IL1RAPL1: variants seen among roughly 807,000 people sequenced by gnomAD.
IL1RAPL1 encodes interleukin 1 receptor accessory protein like 1.
Under a neutral mutation model 48.4 loss-of-function variants are expected in IL1RAPL1, and 3 were observed. That is an observed-to-expected ratio of 0.06 (90% CI 0.03 to 0.16). The LOEUF is 0.16. IL1RAPL1 is among the 10% of genes least tolerant of loss of function. The probability of loss-of-function intolerance (pLI) is 1.00; values close to 1 mark genes in which losing one functional copy is unlikely to be tolerated. For missense variants in IL1RAPL1, 349 were observed against 530.6 expected (o/e 0.66, Z 3.36); for synonymous variants, 185 against 187.7 (o/e 0.99, Z 0.12).
At chrX:29,482,870 CTG>C (rs1352874648) in intron 5 of IL1RAPL1, among the ~76,000 whole-genome samples, 4 of 111,865 alleles carry the variant, frequency 3.6e-5, no homozygotes, top group Non-Finnish European at 5.6e-5. Flanking sequence ...TCCATCGATT[CTG>C]ATAAGACTAA....
chrX:29,565,180 G>T (rs1476522028), intron 5 of IL1RAPL1, among the ~76,000 whole-genome samples: 1 of 111,343 alleles, frequency 9.0e-6, no homozygotes, highest in Non-Finnish European at 1.9e-5. Flanking sequence ...TTATCAAAAT[G>T]ACAGCAAATT....
At chrX:28,718,242 G>C (rs181105703) in intron 1 of IL1RAPL1, among the ~76,000 whole-genome samples, 14 of 111,128 alleles carry the variant, frequency 1.3e-4, no homozygotes, top group Admixed American at 9.6e-5. Flanking sequence ...GCAGCATTTA[G>C]AAAAAAACTC....
chrX:28,657,668 A>G (rs1934764464), intron 1 of IL1RAPL1, among the ~76,000 whole-genome samples: 1 of 112,637 alleles, frequency 8.9e-6, no homozygotes, highest in South Asian at 3.6e-4. Context: ...AAAAAGGCTA[A>G]GAATTCTGGC....
chrX:29,937,171 C>T (rs1236998698), intron 8 of IL1RAPL1, among the ~76,000 whole-genome samples: 1 of 112,076 alleles, frequency 8.9e-6, no homozygotes, highest in Non-Finnish European at 1.9e-5. Context: ...TTAAAGGGGG[C>T]AGAGTCTATC....
chrX:29,515,789 C>A (rs1020845478), intron 5 of IL1RAPL1, among the ~76,000 whole-genome samples: 2 of 111,176 alleles, frequency 1.8e-5, no homozygotes, highest in Admixed American at 1.9e-4. Context: ...TGGATTCAAG[C>A]GATCCTCCTA....
At chrX:29,683,048 T>G (rs1926505486) in intron 6 of IL1RAPL1, among the ~76,000 whole-genome samples, 1 of 112,302 alleles carries the variant, frequency 8.9e-6, no homozygotes, top group Admixed American at 9.5e-5. Flanking sequence ...GCTAGAAGAC[T>G]GGTCAAGGGT....
chrX:29,014,298 C>CAAAATTGTTTACAA (rs1926192253), intron 2 of IL1RAPL1, among the ~76,000 whole-genome samples: 1 of 111,646 alleles, frequency 9.0e-6, no homozygotes, highest in African/African-American at 3.3e-5. Context: ...TAAATGGTAT[C>CAAAATTGTTTACAA]ATTGTTTACA....
chrX:28,892,905 G>A (rs1206576472), intron 2 of IL1RAPL1, among the ~76,000 whole-genome samples: 2 of 111,623 alleles, frequency 1.8e-5, no homozygotes, highest in Non-Finnish European at 3.8e-5. Context: ...AGAATTGGGA[G>A]GACCTAGGAC....
chrX:29,009,359 GA>G (rs752921152), intron 2 of IL1RAPL1, among the ~76,000 whole-genome samples: 1 of 110,653 alleles, frequency 9.0e-6, no homozygotes, highest in Non-Finnish European at 1.9e-5. Context: ...GTAAAAGTTG[GA>G]AAAAAAAGAA....
chrX:29,660,743 T>C (rs933423124), intron 5 of IL1RAPL1, among the ~76,000 whole-genome samples: 1 of 112,064 alleles, frequency 8.9e-6, no homozygotes, highest in Non-Finnish European at 1.9e-5. Context: ...TGCTTTGTAG[T>C]ACAATTTGAA....
At chrX:29,733,268 T>TC (rs1927966308) in intron 6 of IL1RAPL1, among the ~76,000 whole-genome samples, 1 of 112,206 alleles carries the variant, frequency 8.9e-6, no homozygotes, top group Non-Finnish European at 1.9e-5. Context: ...TGGACTTTTT[T>TC]CCCTCCTATC....
chrX:29,051,051 G>C (rs578221201), intron 2 of IL1RAPL1, among the ~76,000 whole-genome samples: 6 of 112,117 alleles, frequency 5.4e-5, no homozygotes, highest in African/African-American at 1.6e-4. Context: ...AGTGGACTGT[G>C]TCTACACAGA....
chrX:28,831,026 C>CTGTGTGTGTG (rs57923954), intron 2 of IL1RAPL1, among the ~76,000 whole-genome samples: 4 of 33,645 alleles, frequency 1.2e-4, no homozygotes, highest in African/African-American at 3.0e-4. Context: ...CTCTCTCTCT[C>CTGTGTGTGTG]TGTGTGTGTG....
At chrX:29,632,615 A>G (rs755844888) in intron 5 of IL1RAPL1, among the ~76,000 whole-genome samples, 1 of 112,157 alleles carries the variant, frequency 8.9e-6, no homozygotes, top group Non-Finnish European at 1.9e-5. Context: ...AATCTGAAAT[A>G]GCATTCTTAA....
At chrX:29,783,835 C>T (rs1192522300) in intron 6 of IL1RAPL1, among the ~76,000 whole-genome samples, 2 of 112,166 alleles carry the variant, frequency 1.8e-5, no homozygotes, top group African/African-American at 6.5e-5. Context: ...AGAAACCAAA[C>T]TAAACAAAAA....
chrX:29,405,854 C>G (rs1204915647), intron 5 of IL1RAPL1, among the ~76,000 whole-genome samples: 1 of 108,691 alleles, frequency 9.2e-6, no homozygotes, highest in African/African-American at 3.5e-5. Flanking sequence ...CTGCTCCATT[C>G]TTTTTTTTTC....
chrX:29,362,868 C>T (rs1007021315), intron 3 of IL1RAPL1, among the ~76,000 whole-genome samples: 1 of 111,899 alleles, frequency 8.9e-6, no homozygotes, highest in Non-Finnish European at 1.9e-5. Context: ...TAAATTAATC[C>T]CTCCATTGCA....
intron 2 of IL1RAPL1, among the ~76,000 whole-genome samples, chrX:29,270,763 G>T (rs1184105473): frequency 1.8e-5 from 2 of 111,841 alleles, no homozygotes; most frequent in Non-Finnish European, 3.8e-5. Context: ...AATATAGCAG[G>T]TACTTAACAT....
chrX:29,603,265 C>CAAAA (rs36018587), intron 5 of IL1RAPL1, among the ~76,000 whole-genome samples: 1 of 62,863 alleles, frequency 1.6e-5, no homozygotes, highest in Non-Finnish European at 3.3e-5. Context: ...GACTCTATCT[C>CAAAA]AAAAAAAAAA....
Sources: gnomAD v4.1 joint callset for allele counts (sites outside exome capture counted in the v4.1 genomes callset) on GRCh38, gnomAD v4.1.1 for gene constraint, MANE v1.5 for transcripts, NCBI Gene and HGNC (gene_info 2026-07-23, HGNC 2026-07-21) for gene names.